ABR: variants seen among roughly 807,000 people sequenced by gnomAD.
ABR encodes the protein ABR activator of RhoGEF and GTPase.
A neutral mutation model predicts 107.2 loss-of-function variants in ABR; 35 were observed. The ratio of observed to expected loss-of-function variants is 0.33; its 90% CI spans 0.25 to 0.43. The LOEUF (loss-of-function observed/expected upper bound fraction) is 0.43. ABR is among the 20% of genes least tolerant of loss of function. ABR has a pLI of 1.00. For synonymous variants in ABR, 498 were observed against 462.0 expected, an observed-to-expected ratio of 1.08 and a Z score of -1.00; for missense variants, 815 against 1,115.2, an observed-to-expected ratio of 0.73 and a Z score of 3.83.
At chr17:1,214,805 G>A (rs11314670) in intron 1 of ABR, among the ~76,000 whole-genome samples, 61,607 of 140,022 alleles carry the variant, frequency 0.44, 13,786 homozygotes, top group Non-Finnish European at 0.54. Flanking sequence ...CCACCTCAAA[G>A]AAAAAAATAT....
At chr17:1,066,458 C>CT (rs2034751833) in intron 10 of ABR, among the ~76,000 whole-genome samples, 1 of 151,946 alleles carries the variant, frequency 6.6e-6, no homozygotes, top group African/African-American at 2.4e-5. Flanking sequence ...CCTCCCAGGT[C>CT]CTTTTCCTTG....
intron 16 of ABR, among the ~76,000 whole-genome samples, chr17:1,038,914 C>T (rs923283644): frequency 3.3e-5 from 5 of 152,234 alleles, no homozygotes; most frequent in Non-Finnish European, 7.3e-5. Context: ...CAGCAGCCTC[C>T]GCCAGCAGGG....
chr17:1,143,326 T>C (rs376149590), intron 1 of ABR, among the ~76,000 whole-genome samples: 4 of 7,830 alleles, frequency 5.1e-4, no homozygotes, highest in African/African-American at 9.4e-4. Context: ...GGACAGCTCA[T>C]TCCTGGGGGA....
At chr17:1,023,119 A>AGAGCCACTGCCTGCCCCACGTCCACTC (rs1167753663) in intron 16 of ABR, among the ~76,000 whole-genome samples, 1 of 98,986 alleles carries the variant, frequency 1.0e-5, no homozygotes, top group African/African-American at 3.9e-5. Flanking sequence ...CACGTCCACT[A>AGAGCCACTGCCTGCCCCACGTCCACTC]CAGCGCCTCT....
intron 2 of ABR, among the ~76,000 whole-genome samples, chr17:1,121,956 G>A (rs745944326): frequency 1.3e-5 from 2 of 152,324 alleles, no homozygotes; most frequent in Admixed American, 6.5e-5. Context: ...AGGCTGGAGC[G>A]CAGTGGCAAG....
At chr17:1,068,666 G>A (rs1348430002) in intron 9 of ABR, among the ~76,000 whole-genome samples, 8 of 152,214 alleles carry the variant, frequency 5.3e-5, no homozygotes, top group African/African-American at 1.9e-4. Flanking sequence ...ACACTCCCGG[G>A]TAGAGAGAAG....
upstream of ABR, among the ~76,000 whole-genome samples, chr17:1,182,463 G>A (rs903313399): frequency 6.6e-6 from 1 of 152,160 alleles, no homozygotes; most frequent in African/African-American, 2.4e-5. Flanking sequence ...CGCCTCCCGG[G>A]TTCACGCCAT....
In ABR at chr17:1,051,573, C is replaced by T. The variant is rs2032532883; in HGVS notation, c.1562-939G>A. On this transcript the variant is annotated intron_variant, in intron 14 of 22. Transcript: ENST00000302538. The surrounding 1 kb of genome is among the most constrained non-coding windows in gnomAD (Gnocchi z 4.3). ...TCTGCAAACCCACACCCGCCCTGGG[C>T]TCGGACCCCAGCAGTCCTCCCACCT... 6.6e-6 allele frequency among the ~76,000 whole-genome samples: 1 copy of T among 152,224 alleles called. No individual in the cohort carries two copies. The highest frequency in any genetic ancestry group is 2.1e-4 in the South Asian group (1 of 4,834).
At chr17:1,042,942 G>A (rs2030898724) in intron 16 of ABR, among the ~76,000 whole-genome samples, 1 of 152,218 alleles carries the variant, frequency 6.6e-6, no homozygotes, top group Non-Finnish European at 1.5e-5. Flanking sequence ...AGGACATGAG[G>A]AGGACAAATG....
intron 1 of ABR, among the ~76,000 whole-genome samples, chr17:1,171,024 C>A (rs2041690650): frequency 6.6e-6 from 1 of 152,244 alleles, no homozygotes; most frequent in South Asian, 2.1e-4. Context: ...GCACACACTG[C>A]CACGCCGACT....
chr17:1,018,257 T>A (rs113643406), intron 16 of ABR, among the ~76,000 whole-genome samples: 2 of 151,458 alleles, frequency 1.3e-5, no homozygotes, highest in East Asian at 2.0e-4. Context: ...TTAGCCAGGA[T>A]GGTCTTGATC....
At chr17:1,067,497 A>G (rs2262156) in intron 9 of ABR, among the ~76,000 whole-genome samples, 30,039 of 152,202 alleles carry the variant, frequency 0.2, 3,245 homozygotes, top group South Asian at 0.25. Flanking sequence ...CAGATGACTC[A>G]TGTTGTCAAA....
intron 16 of ABR, among the ~76,000 whole-genome samples, chr17:1,035,358 A>AT (rs1397393229): frequency 7.7e-5 from 1 of 12,906 alleles, no homozygotes; most frequent in South Asian, 3.8e-3. Context: ...CACCCCTTCC[A>AT]CCCCCTACAC....
chr17:1,163,154 A>G (rs2041371754), intron 1 of ABR, among the ~76,000 whole-genome samples: 1 of 152,224 alleles, frequency 6.6e-6, no homozygotes, highest in Non-Finnish European at 1.5e-5. Flanking sequence ...GATGATAAGT[A>G]TCTTCTTCAT....
chr17:1,167,109 T>C (rs1172289366), intron 1 of ABR, among the ~76,000 whole-genome samples: 2 of 152,122 alleles, frequency 1.3e-5, no homozygotes, highest in African/African-American at 2.4e-5. Flanking sequence ...GACCCCGTGA[T>C]ACCCCAGTGA....
At chr17:1,201,081 A>C (rs1349200868) in intron 1 of ABR, among the ~76,000 whole-genome samples, 1 of 152,244 alleles carries the variant, frequency 6.6e-6, no homozygotes, top group Non-Finnish European at 1.5e-5. Context: ...CCCAAGCCCC[A>C]AACCCTGATA....
intron 2 of ABR, 130 bp from the exon 3 acceptor site, chr17:1,100,865 C>T: frequency 1.2e-6 from 1 of 863,262 alleles, no homozygotes; most frequent in Non-Finnish European, 1.8e-6. Flanking sequence ...GCTCTGTCAC[C>T]TAGGCTGAAG....
intron 4 of ABR, among the ~76,000 whole-genome samples, chr17:1,091,291 G>C (rs907788197): frequency 2.6e-5 from 4 of 151,982 alleles, no homozygotes; most frequent in African/African-American, 9.7e-5. Flanking sequence ...CTCCGGGAGA[G>C]AGAGGGAGCA....
chr17:1,019,131 C>T (rs1597389069), intron 16 of ABR, among the ~76,000 whole-genome samples: 1 of 152,186 alleles, frequency 6.6e-6, no homozygotes, highest in Admixed American at 6.5e-5. Flanking sequence ...ACAGCCCTCC[C>T]GCTGCCTCGT....
Sources: gnomAD v4.1 joint callset for allele counts (sites outside exome capture counted in the v4.1 genomes callset) on GRCh38, gnomAD v4.1.1 for gene constraint, Gnocchi (gnomAD v3.1) non-coding constraint, MANE v1.5 for transcripts, NCBI Gene and HGNC (gene_info 2026-07-23, HGNC 2026-07-21) for gene names.